The following ARAP1 variants were observed in gnomAD, a reference collection of about 807,000 sequenced individuals.
ARAP1 encodes the protein arf-GAP with Rho-GAP domain, ANK repeat and PH domain-containing protein 1.
In ARAP1, 76 loss-of-function variants were observed where a neutral mutation model predicts 172.2. The ratio of observed to expected loss-of-function variants is 0.44; its 90% CI spans 0.37 to 0.53. The LOEUF is 0.53. Among genes scored for constraint, ARAP1 ranks in the 20% least tolerant of loss-of-function variants. The pLI is 0.00. For missense variants in ARAP1, 1,686 were observed against 1,977.5 expected, an observed-to-expected ratio of 0.85 and a Z score of 2.80; for synonymous variants, 804 against 803.3, an observed-to-expected ratio of 1.00 and a Z score of -0.01.
intron 3 of ARAP1, among the ~76,000 whole-genome samples, chr11:72,723,512 G>C (rs1424285786): frequency 2.0e-5 from 3 of 152,104 alleles, no homozygotes; most frequent in African/African-American, 7.2e-5. Flanking sequence ...TCCTATCACA[G>C]CCTCGTTCTT....
chr11:72,751,801 A>C (rs1858539295), intron 1 of ARAP1, among the ~76,000 whole-genome samples: 2 of 131,440 alleles, frequency 1.5e-5, no homozygotes, highest in South Asian at 2.4e-4. Flanking sequence ...CAACCACCCC[A>C]CTCCCAGCGT....
In ARAP1 at chr11:72,702,839, G is replaced by A. The variant is rs955382673; in HGVS notation, c.2167+66C>T. The A allele has an allele frequency of 2.5e-5, 38 of 1,520,830 alleles. No homozygotes were observed. In the African/African-American group the frequency reaches 3.6e-4, roughly 14 times the overall value. The allele number at this position is 1,520,830 out of a possible 1,614,324, so 94.2% of individuals were successfully genotyped here. A position where few individuals can be genotyped will look rare whatever the true frequency, so the allele number is the denominator to read the frequency against. On this transcript the variant is annotated intron_variant, in intron 15 of 34. Coordinates refer to ENST00000393609, the MANE Select transcript of ARAP1 (RefSeq NM_001040118.3). ...GAGCTGCGATCACGGCCTGAGAGCA[G>A]CAGGTAAATCAAACCCCACCAGGCA...
chr11:72,688,372 A>G (rs1344932745), intron 31 of ARAP1, 83 bp downstream of exon 31: 1 of 1,316,948 alleles, frequency 7.6e-7, no homozygotes. Context: ...CTGTCAAATT[A>G]AAAACCCCAG....
rs1243689478 is a variant in ARAP1, at chr11:72,720,613, C to T, written c.509+6007G>A. On this transcript the variant is annotated intron_variant, in intron 3 of 34. Transcript: ENST00000393609. ...CATCACTGGAGAAGGTCTGCAGCTC[C>T]CCAAACTCTCCATACAGCAGTGCCC... is the stretch of plus-strand genomic sequence containing the variant. Among the ~76,000 whole-genome samples the T allele has an allele frequency of 2.6e-4, 39 of 152,142 alleles. 2 individuals carry two copies. Among genetic ancestry groups the T allele is most frequent in the Admixed American group, 2.6e-3 (39 of 15,282 alleles).
chr11:72,747,387 C>G (rs576061791), intron 1 of ARAP1, among the ~76,000 whole-genome samples: 2 of 152,270 alleles, frequency 1.3e-5, no homozygotes, highest in South Asian at 4.1e-4. Flanking sequence ...AACCATGTTT[C>G]CAGGGTTGTT....
chr11:72,686,039 CACAG>C lies in ARAP1; in HGVS notation c.4334_4335+2del, dbSNP rs779689515. The stretch of plus-strand genomic sequence containing the variant: ...CTGCCCAAAGGCATGGAGAGCCACT[CACAG>C]ACAGAGGGTCCGCGGTGAAGGCAGC... On this transcript the variant is annotated splice_donor_variant and coding_sequence_variant, in exon 34 of 35. Coordinates refer to ENST00000393609, the MANE Select transcript of ARAP1 (RefSeq NM_001040118.3). LOFTEE classifies it high-confidence loss of function. The C allele has an allele frequency of 3.7e-6, 6 of 1,614,054 alleles. No homozygotes were observed. The highest frequency in any genetic ancestry group is 2.2e-5 in the East Asian group (1 of 44,896).
At position 72,695,699 on chromosome 11, in the gene ARAP1, C is replaced by T. The variant is rs1222269407; in HGVS notation, c.3420+19G>A. ...AAGGATCACCCCTGCCCTCCACTGC[C>T]CACTGGCCAGGGACGCACACTAAAC... On this transcript the variant is annotated intron_variant, in intron 24 of 34. Transcript: ENST00000393609. This position sits in a 1 kb window ranked among gnomAD's most constrained non-coding sequence, Gnocchi z 4.4. The T allele has an allele frequency of 1.9e-6, 3 of 1,614,120 alleles. No homozygotes were observed. The highest frequency in any genetic ancestry group is 2.5e-6 in the Non-Finnish European group (3 of 1,179,980).
intron 31 of ARAP1, among the ~76,000 whole-genome samples, chr11:72,688,001 G>T (rs556629804): frequency 3.4e-4 from 25 of 73,440 alleles, no homozygotes; most frequent in South Asian, 1.4e-3. Context: ...GTGTTTTTTT[G>T]TTGTTGTTTT....
Position 72,697,369 on chromosome 11 carries a change from A to G in ARAP1, c.2907T>C (p.Asp969=), listed in dbSNP as rs1591181364. ...TLSEQQLGDS[D]IPVIVYRCVD... is the part of the protein sequence containing the mutation. ...CACAGCGGTACACGATCACCGGGAT[A>G]TCCGAGTCCCCAAGCTGCTGCTCCG... is the stretch of plus-strand genomic sequence containing the variant. Residue 969 remains aspartate (D), a synonymous_variant, in exon 21 of 35, where the codon GAT becomes GAC. Transcript: ENST00000393609. The G allele has an allele frequency of 4.4e-6, 7 of 1,606,632 alleles. No individual in the cohort carries two copies. The highest frequency in any genetic ancestry group is 5.9e-6 in the Non-Finnish European group (7 of 1,176,820).
In ARAP1 at chr11:72,695,424, A is replaced by G; in HGVS notation, c.3539T>C (p.Leu1180Pro). The G allele has an allele frequency of 6.2e-7, 1 of 1,614,196 alleles. No individual in the cohort carries two copies. The highest frequency in any genetic ancestry group is 8.5e-7 in the Non-Finnish European group (1 of 1,180,028). The change falls in exon 26 of 35, where the codon CTG (leucine) becomes CCG (proline). Residue 1180 changes from leucine (L) to proline (P), a missense_variant. This residue lies in a region of ARAP1 where 379 missense variants were observed against 500.1 expected (regional missense o/e 0.76). Transcript: ENST00000393609. This position sits in a 1 kb window ranked among gnomAD's most constrained non-coding sequence, Gnocchi z 4.4. ...HAGDFICTVY[L>P]EEKKAETEQH... ...CTCAGTCTCTGCCTTCTTCTCTTCC[A>G]GATACACTGTGCAGATGAAGTCACC...
chr11:72,703,085 A>C lies in ARAP1; in HGVS notation c.1993-6T>G, dbSNP rs1301830590. 6 of 1,555,980 alleles carry C rather than the reference A, an allele frequency of 3.9e-6. No homozygotes were observed. In the African/African-American group the frequency reaches 6.9e-5, roughly 18 times the overall value. ...GTGACTGCAGCACACAGGGCCTAGG[A>C]AGAGGCAGGGGAGGGTCAGCCCAAG... On this transcript the variant is annotated splice_polypyrimidine_tract_variant and splice_region_variant and intron_variant, in intron 14 of 34. Coordinates refer to ENST00000393609, the MANE Select transcript of ARAP1 (RefSeq NM_001040118.3).
intron 15 of ARAP1, among the ~76,000 whole-genome samples, chr11:72,702,664 T>C (rs760739996): frequency 1.1e-4 from 17 of 151,992 alleles, no homozygotes; most frequent in Non-Finnish European, 2.4e-4. Context: ...CTGCCAGCCA[T>C]CCTGAGGGGC....
intron 3 of ARAP1, chr11:72,722,447 C>T (rs898734437): frequency 1.3e-6 from 1 of 788,594 alleles, no homozygotes; most frequent in Non-Finnish European, 1.5e-6. Context: ...ACAGTGTCCA[C>T]TGATCTTGCA....
intron 1 of ARAP1, among the ~76,000 whole-genome samples, chr11:72,733,422 G>A (rs1279330648): frequency 6.6e-6 from 1 of 152,192 alleles, no homozygotes; most frequent in African/African-American, 2.4e-5. Context: ...GCACAAGTAG[G>A]GTAACTGAGT....
In ARAP1 at chr11:72,712,264, C is replaced by A; in HGVS notation, c.954G>T (p.Pro318=). 6.2e-7 allele frequency: 1 copy of A among 1,603,648 alleles called. No individual in the cohort carries two copies. The highest frequency in any genetic ancestry group is 8.5e-7 in the Non-Finnish European group (1 of 1,174,776). Residue 318 remains proline (P), a synonymous_variant, in exon 7 of 35, where the codon CCG becomes CCT. Transcript: ENST00000393609. The part of the protein sequence containing the change: ...TIAAPHPMDG[P]PGGSTPVTPV... ...GTGTGACGGGGGTGGAGCCCCCAGGCGGCCCGTCCATGGGGTGTGGCGCAG... is the reference window on the plus strand; with the variant it reads ...GTGTGACGGGGGTGGAGCCCCCAGGAGGCCCGTCCATGGGGTGTGGCGCAG...
chr11:72,721,141 C>T (rs1013550220), intron 3 of ARAP1, among the ~76,000 whole-genome samples: 2 of 152,144 alleles, frequency 1.3e-5, no homozygotes, highest in Non-Finnish European at 2.9e-5. Flanking sequence ...AAAGATGAGC[C>T]AAGGGCACAG....
At chr11:72,707,139 T>C in intron 12 of ARAP1, 36 bp downstream of exon 12, 1 of 1,513,916 alleles carries the variant, frequency 6.6e-7, no homozygotes, top group Non-Finnish European at 8.9e-7. Flanking sequence ...AACCCCGCCA[T>C]GCCTCTGCCT....
chr11:72,709,806 C>G, intron 11 of ARAP1, 64 bp downstream of exon 11: 1 of 1,556,726 alleles, frequency 6.4e-7, no homozygotes, highest in Non-Finnish European at 8.9e-7. Flanking sequence ...CTTCCCACGT[C>G]GCGCAAAAGG....
At chr11:72,736,544 AG>A (rs1430598992) in intron 1 of ARAP1, among the ~76,000 whole-genome samples, 1 of 152,118 alleles carries the variant, frequency 6.6e-6, no homozygotes, top group Non-Finnish European at 1.5e-5. Context: ...CCTCATCCTC[AG>A]GAAGGCAGGG....
Sources: gnomAD v4.1 joint callset for allele counts (sites outside exome capture counted in the v4.1 genomes callset) on GRCh38, gnomAD v4.1.1 for gene constraint, gnomAD v4.1.1 regional missense constraint, Gnocchi (gnomAD v3.1) non-coding constraint, MANE v1.5 for transcripts, NCBI Gene and HGNC (gene_info 2026-07-23, HGNC 2026-07-21) for gene names.